The following ALDOB variants were observed in gnomAD, a reference collection of about 807,000 sequenced individuals.
ALDOB encodes fructose-bisphosphate aldolase B.
In ALDOB, 39 loss-of-function variants were observed where a neutral mutation model predicts 41.0. The ratio of observed to expected loss-of-function variants is 0.95; its 90% CI spans 0.74 to 1.24. The LOEUF is 1.24. Ranked by LOEUF, ALDOB falls within the 50% of genes most tolerant of loss-of-function variation. The probability of loss-of-function intolerance (pLI) is 0.00; values close to 1 mark genes in which losing one functional copy is unlikely to be tolerated. For synonymous variants in ALDOB, 175 were observed against 168.8 expected, an observed-to-expected ratio of 1.04 and a Z score of -0.28; for missense variants, 530 against 457.3, an observed-to-expected ratio of 1.16 and a Z score of -1.45.
At chr9:101,425,266 G>A (rs1281738059) in intron 7 of ALDOB, among the ~76,000 whole-genome samples, 187 bp downstream of exon 7, 1 of 152,166 alleles carries the variant, frequency 6.6e-6, no homozygotes, top group Admixed American at 6.5e-5. Flanking sequence ...GAAATACATG[G>A]ATTGTGGGCA....
intron 8 of ALDOB, 31 bp from the exon 9 acceptor site, chr9:101,421,935 T>C: frequency 6.3e-7 from 1 of 1,579,978 alleles, no homozygotes; most frequent in Non-Finnish European, 8.7e-7. Flanking sequence ...AGGAGACTGG[T>C]TAGAGTAAAT....
intron 5 of ALDOB, among the ~76,000 whole-genome samples, chr9:101,427,172 G>C (rs1355266823): frequency 1.3e-5 from 2 of 152,106 alleles, no homozygotes; most frequent in South Asian, 4.1e-4. Context: ...TGGATGTTAC[G>C]GAGTATAGAC....
At chr9:101,435,423 A>G (rs961027851) in intron 1 of ALDOB, among the ~76,000 whole-genome samples, 1 of 152,230 alleles carries the variant, frequency 6.6e-6, no homozygotes, top group African/African-American at 2.4e-5. Flanking sequence ...TTTTTCCTAG[A>G]TCAGAGACTC....
intron 1 of ALDOB, among the ~76,000 whole-genome samples, chr9:101,432,117 G>A (rs1235797445): frequency 1.3e-5 from 2 of 152,062 alleles, no homozygotes; most frequent in Non-Finnish European, 2.9e-5. Context: ...ATCCCTTCAG[G>A]GTAGGCTGTC....
At chr9:101,422,333 T>C (rs1167991912) in intron 8 of ALDOB, among the ~76,000 whole-genome samples, 1 of 152,240 alleles carries the variant, frequency 6.6e-6, no homozygotes, top group Admixed American at 6.5e-5. Context: ...CTTTCCTGTA[T>C]ACATTCCAGT....
rs769043841 is a variant in ALDOB at position 101,429,829 on chromosome 9, G to A, written c.250C>T (p.Leu84Phe). The change falls in exon 3 of 9, where the codon CTC becomes TTC. Residue 84 changes from leucine to phenylalanine, a missense_variant. Transcript: ENST00000647789. ...IGGVILFHET[L>F]YQKDSQGKLF... ...TTTCCCTGGCTGTCCTTCTGGTAGAGGGTCTCGTGGAAAAGGATCACACCC... is the reference window on the plus strand; with the variant it reads ...TTTCCCTGGCTGTCCTTCTGGTAGAAGGTCTCGTGGAAAAGGATCACACCC... 20 of 1,614,020 alleles carry A rather than the reference G, an allele frequency of 1.2e-5. No homozygotes were observed. Among genetic ancestry groups the A allele is most frequent in the Middle Eastern group, 1.6e-4 (1 of 6,084 alleles).
intron 1 of ALDOB, among the ~76,000 whole-genome samples, chr9:101,434,712 G>A (rs1301064076): frequency 6.6e-6 from 1 of 152,182 alleles, no homozygotes. Flanking sequence ...ACGCGGAGCA[G>A]CCCAGAACGA....
At chr9:101,426,013 T>C (rs1335257582) in intron 6 of ALDOB, among the ~76,000 whole-genome samples, 2 of 152,178 alleles carry the variant, frequency 1.3e-5, no homozygotes, top group Non-Finnish European at 1.5e-5. Context: ...TTACAGAAGC[T>C]GAGTAGTCAT....
At chr9:101,432,900 T>C (rs1441911673) in intron 1 of ALDOB, among the ~76,000 whole-genome samples, 1 of 152,216 alleles carries the variant, frequency 6.6e-6, no homozygotes, top group East Asian at 1.9e-4. Context: ...GATTACACCA[T>C]GGACATTACT....
At chr9:101,426,091 GA>G (rs1212750026) in intron 6 of ALDOB, among the ~76,000 whole-genome samples, 1 of 152,112 alleles carries the variant, frequency 6.6e-6, no homozygotes, top group Non-Finnish European at 1.5e-5. Flanking sequence ...TTTCCAAGTA[GA>G]GAAACTAAGG....
At chr9:101,427,381 G>C in intron 5 of ALDOB, 101 bp downstream of exon 5, 2 of 1,437,306 alleles carry the variant, frequency 1.4e-6, no homozygotes, top group Non-Finnish European at 1.9e-6. Context: ...ATACTGGTGA[G>C]GGAAAAGGAG....
chr9:101,425,090 C>A, intron 7 of ALDOB, 48 bp from the exon 8 acceptor site: 2 of 1,595,458 alleles, frequency 1.3e-6, no homozygotes, highest in Non-Finnish European at 1.7e-6. Context: ...CCTTATATAC[C>A]CTGCTTGAGA....
At chr9:101,424,622 T>G (rs1831095890) in intron 8 of ALDOB, among the ~76,000 whole-genome samples, 1 of 152,202 alleles carries the variant, frequency 6.6e-6, no homozygotes, top group Admixed American at 6.5e-5. Flanking sequence ...GTTGAAATTG[T>G]CCTTCAGTCT....
At chr9:101,427,359 T>C in intron 5 of ALDOB, 123 bp downstream of exon 5, 1 of 1,288,570 alleles carries the variant, frequency 7.8e-7, no homozygotes, top group Non-Finnish European at 1.1e-6. Flanking sequence ...TTGTGAAAAA[T>C]GCCACTAGGA....
At chr9:101,424,188 TG>T (rs1831090199) in intron 8 of ALDOB, among the ~76,000 whole-genome samples, 1 of 152,074 alleles carries the variant, frequency 6.6e-6, no homozygotes, top group African/African-American at 2.4e-5. Flanking sequence ...GAGGTTGAGG[TG>T]GGCAGATCAC....
rs191307519 is a variant in ALDOB, at chr9:101,430,707, C to T, written c.112+69G>A. 3.3e-4 allele frequency: 386 copies of T among 1,158,054 alleles called. 4 individuals are homozygous for T. In the East Asian group the frequency reaches 8.7e-3, roughly 26 times the overall value. 71.7% of individuals were successfully genotyped at this position (1,158,054 alleles called of 1,614,324 possible). A position where few individuals can be genotyped will look rare whatever the true frequency, so the allele number is the denominator to read the frequency against. ...TTACTTCCATAAAGAATATGATTAT[C>T]AAGTTGTTTTTGCTAAGTGTAGAAA... On this transcript the variant is annotated intron_variant, in intron 2 of 8. Coordinates refer to ENST00000647789, the MANE Select transcript of ALDOB (RefSeq NM_000035.4).
At chr9:101,428,383 G>GT in intron 4 of ALDOB, 86 bp downstream of exon 4, 1 of 1,266,558 alleles carries the variant, frequency 7.9e-7, no homozygotes, top group Non-Finnish European at 1.2e-6. Context: ...TAATAGTTGT[G>GT]TTTTGTTTTT....
At chr9:101,423,962 G>A (rs929138480) in intron 8 of ALDOB, among the ~76,000 whole-genome samples, 1 of 152,060 alleles carries the variant, frequency 6.6e-6, no homozygotes, top group African/African-American at 2.4e-5. Context: ...CAACCTTTCT[G>A]GGTCTTTTTC....
In ALDOB at chr9:101,420,664, A is replaced by G. The variant is rs1001897418; in HGVS notation, c.*1145T>C. On this transcript the variant is annotated 3_prime_UTR_variant, in exon 9 of 9. Transcript: ENST00000647789. ...AATAGAATTAAAGCACTATTTCTTA[A>G]CCCATCAGTTTTAAGTAGTATTCCT... is the stretch of plus-strand genomic sequence containing the variant. The G allele has an allele frequency of 9.9e-5, 15 of 152,206 alleles. No individual in the cohort carries two copies. The highest frequency in any genetic ancestry group is 6.8e-3 in the Middle Eastern group (2 of 294). 9.4% of individuals were successfully genotyped at this position (152,206 alleles called of 1,614,324 possible).
Sources: allele counts gnomAD v4.1 joint callset (sites outside exome capture counted in the v4.1 genomes callset), GRCh38; gene constraint gnomAD v4.1.1; transcripts MANE v1.5; gene names NCBI Gene and HGNC (gene_info 2026-07-23, HGNC 2026-07-21).